Variants in CYP4F3 observed in about 807,000 individuals in gnomAD.
CYP4F3 encodes the protein cytochrome P450 family 4 subfamily F member 3, also known as cytochrome P450 4F3.
CYP4F3 carries 50 observed loss-of-function variants against 54.8 expected under a neutral mutation model. The ratio of observed to expected loss-of-function variants is 0.91; its 90% confidence interval spans 0.73 to 1.16. The LOEUF (loss-of-function observed/expected upper bound fraction) is 1.16, where lower values mean the gene tolerates loss of function less well. Among genes scored for constraint, CYP4F3 ranks in the 50% most tolerant of loss-of-function variants. The probability of loss-of-function intolerance (pLI) is 0.00; values close to 1 mark genes in which losing one functional copy is unlikely to be tolerated. For missense variants in CYP4F3, 715 were observed against 676.2 expected (o/e 1.06, Z -0.64); for synonymous variants, 244 against 262.6 (o/e 0.93, Z 0.69).
At chr19:15,647,345 G>T (rs1308708571) in intron 5 of CYP4F3, 21 bp downstream of exon 5, 5 of 1,613,782 alleles carry the variant, frequency 3.1e-6, no homozygotes, top group Non-Finnish European at 4.2e-6. Flanking sequence ...TGAAGCCAAG[G>T]TCCCAGCTGC....
intron 2 of CYP4F3, chr19:15,644,109 C>T (rs1295066610): frequency 6.8e-7 from 1 of 1,464,978 alleles, no homozygotes; most frequent in South Asian, 1.4e-5. Flanking sequence ...CTGCAAGTCC[C>T]TCTATCCCCA....
At chr19:15,650,801 C>CTCTCT (rs1972811911) in intron 7 of CYP4F3, among the ~76,000 whole-genome samples, 1 of 6,970 alleles carries the variant, frequency 1.4e-4, no homozygotes, top group Non-Finnish European at 2.4e-4. Context: ...CTTTCTTTCT[C>CTCTCT]TCTCTTCTCT....
At chr19:15,653,558 G>C (rs566653581) in intron 9 of CYP4F3, among the ~76,000 whole-genome samples, 4 of 152,304 alleles carry the variant, frequency 2.6e-5, no homozygotes, top group East Asian at 1.9e-4. Flanking sequence ...GGGCAGGACA[G>C]TCCCAGCCCA....
chr19:15,658,549 C>A lies in CYP4F3; in HGVS notation c.1308C>A (p.Asp436Glu), dbSNP rs61734306. Residue 436 changes from aspartate (D) to glutamate (E), a missense_variant, in exon 11 of 13, where the codon GAC becomes GAA. Coordinates refer to ENST00000221307, the MANE Select transcript of CYP4F3 (RefSeq NM_000896.3). Reference protein sequence around the residue: ...GTHHNPAVWPDPEVYDPFRFD... With the variant: ...GTHHNPAVWPEPEVYDPFRFD... Reference sequence around the variant, plus strand: ...ATCACAACCCAGCCGTGTGGCCGGACCCTGAGGTGCGGGCCCCCCGTCTCT... The same window carrying A: ...ATCACAACCCAGCCGTGTGGCCGGAACCTGAGGTGCGGGCCCCCCGTCTCT... The A allele has an allele frequency of 7.4e-6, 12 of 1,614,146 alleles. No individual in the cohort carries two copies. Among genetic ancestry groups the A allele is most frequent in the Non-Finnish European group, 1.0e-5 (12 of 1,180,022 alleles).
At chr19:15,647,520 TA>T (rs1972666605) in intron 5 of CYP4F3, among the ~76,000 whole-genome samples, 196 bp downstream of exon 5, 1 of 152,154 alleles carries the variant, frequency 6.6e-6, no homozygotes, top group African/African-American at 2.4e-5. Flanking sequence ...CTCTGGCGCA[TA>T]GTAGGTGCCC....
intron 12 of CYP4F3, 39 bp downstream of exon 12, chr19:15,658,848 A>AGGT: frequency 6.2e-7 from 1 of 1,608,034 alleles, no homozygotes; most frequent in Non-Finnish European, 8.5e-7. Context: ...ACGGGGAGAT[A>AGGT]GGTGCAGGGG....
rs1403332673 is a variant in CYP4F3 at position 15,650,157 on chromosome 19, T to A, written c.892T>A (p.Phe298Ile). Residue 298 changes from phenylalanine (F) to isoleucine (I), a missense_variant, in exon 7 of 13, where the codon TTC becomes ATC. Phe to Ile is a conservative substitution (Grantham distance 21, BLOSUM62 0). Transcript: ENST00000221307. ...CAAGGCCAAATCCAAGACTTTGGAC[T>A]TCATTGATGTACTCCTGCTGAGCAA... is the stretch of plus-strand genomic sequence containing the variant. ...QAKAKSKTLD[F>I]IDVLLLSKDE... 6.2e-7 allele frequency: 1 copy of A among 1,614,046 alleles called. No individual in the cohort carries two copies. Among genetic ancestry groups the A allele is most frequent in the African/African-American group, 1.3e-5 (1 of 74,912 alleles).
intron 2 of CYP4F3, among the ~76,000 whole-genome samples, chr19:15,644,691 C>T (rs1400576842): frequency 6.6e-6 from 1 of 152,144 alleles, no homozygotes; most frequent in Admixed American, 6.5e-5. Flanking sequence ...GTTTGTCTGC[C>T]CTAAGTTCAT....
chr19:15,652,730 C>T, intron 8 of CYP4F3, 93 bp from the exon 9 acceptor site: 1 of 1,606,858 alleles, frequency 6.2e-7, no homozygotes, highest in Non-Finnish European at 8.5e-7. Flanking sequence ...TCCCCCTTCC[C>T]CCATCCTCCC....
At chr19:15,655,343 T>C (rs1972983303) in intron 9 of CYP4F3, among the ~76,000 whole-genome samples, 1 of 152,204 alleles carries the variant, frequency 6.6e-6, no homozygotes, top group Admixed American at 6.5e-5. Flanking sequence ...GCTTTGTTGA[T>C]TGTTTCCTTT....
Position 15,643,999 on chromosome 19 carries a change from C to T in CYP4F3, c.199-1720C>T, listed in dbSNP as rs548939401. On this transcript the variant is annotated intron_variant, in intron 2 of 12. Coordinates refer to ENST00000221307, the MANE Select transcript of CYP4F3 (RefSeq NM_000896.3). Reference sequence around the variant, plus strand: ...AGGTCTGGATGGGCCCCATCTTCCCCGTCATCCGTTTTTGCCACCCCAACA... The same window carrying T: ...AGGTCTGGATGGGCCCCATCTTCCCTGTCATCCGTTTTTGCCACCCCAACA... 73 of 1,605,212 alleles carry T rather than the reference C, an allele frequency of 4.5e-5. No individual in the cohort carries two copies. In the African/African-American group the frequency reaches 5.6e-4, roughly 12 times the overall value.
At chr19:15,645,922 C>G (rs1219279648) in intron 3 of CYP4F3, 59 bp downstream of exon 3, 6 of 1,505,998 alleles carry the variant, frequency 4.0e-6, no homozygotes. Flanking sequence ...TTGCCCACAG[C>G]TGGGGTCTCT....
intron 7 of CYP4F3, among the ~76,000 whole-genome samples, chr19:15,650,742 C>CTTCT (rs1972800285): frequency 1.4e-5 from 1 of 71,790 alleles, no homozygotes; most frequent in Non-Finnish European, 2.6e-5. Flanking sequence ...CTTTCTTTTC[C>CTTCT]TTCCTTCCAT....
At chr19:15,646,456 G>A (rs1568394097) in intron 3 of CYP4F3, among the ~76,000 whole-genome samples, 2 of 152,288 alleles carry the variant, frequency 1.3e-5, no homozygotes, top group Middle Eastern at 3.4e-3. Context: ...TCTGGGTCAC[G>A]TGTTGGCTAT....
intron 3 of CYP4F3, 106 bp from the exon 4 acceptor site, chr19:15,646,946 G>A: frequency 3.3e-6 from 5 of 1,505,096 alleles, no homozygotes; most frequent in African/African-American, 1.4e-5. Context: ...TGCTATGTGG[G>A]GCTTGGAGGG....
chr19:15,657,276 G>C (rs1335036012), intron 9 of CYP4F3, among the ~76,000 whole-genome samples: 1 of 152,196 alleles, frequency 6.6e-6, no homozygotes, highest in Non-Finnish European at 1.5e-5. Flanking sequence ...TGCAATTGCT[G>C]AATCAAAGAC....
At chr19:15,643,888 GC>G in intron 2 of CYP4F3, 1 of 1,536,846 alleles carries the variant, frequency 6.5e-7, no homozygotes, top group Non-Finnish European at 8.7e-7. Flanking sequence ...GGAGGTGACG[GC>G]CCCTGCCTTG....
rs191095412 is a variant in CYP4F3, at chr19:15,661,253, G to A, written c.*1868G>A. 2 of 150,652 alleles carry A rather than the reference G, an allele frequency of 1.3e-5. No homozygotes were observed. Among genetic ancestry groups the A allele is most frequent in the East Asian group, 2.0e-4 (1 of 5,008 alleles). 9.3% of individuals were successfully genotyped at this position (150,652 alleles called of 1,614,324 possible). On this transcript the variant is annotated 3_prime_UTR_variant, in exon 13 of 13. Transcript: ENST00000221307. ...CTCCAGCCTGGGGGAGGGGGACATA[G>A]CGAGACTCGGTCTCAAAAACAAAAC...
At chr19:15,652,762 G>T in intron 8 of CYP4F3, 61 bp from the exon 9 acceptor site, 2 of 1,601,202 alleles carry the variant, frequency 1.2e-6, no homozygotes, top group Non-Finnish European at 1.7e-6. Flanking sequence ...ATGCAAGGTT[G>T]CTGTACACCC....
Sources: gnomAD v4.1 joint callset for allele counts (sites outside exome capture counted in the v4.1 genomes callset) on GRCh38, gnomAD v4.1.1 for gene constraint, MANE v1.5 for transcripts, NCBI Gene and HGNC (gene_info 2026-07-23, HGNC 2026-07-21) for gene names.